Variants in CFAP299 observed in about 807,000 individuals in gnomAD.
CFAP299 encodes the protein cilia and flagella associated protein 299.
CFAP299 carries 21 observed loss-of-function variants against 27.0 expected under a neutral mutation model. That is an observed-to-expected ratio of 0.78 (90% CI 0.55 to 1.12). The LOEUF (loss-of-function observed/expected upper bound fraction) is 1.12. Ranked by LOEUF, CFAP299 falls within the 50% of genes most tolerant of loss-of-function variation. The pLI is 0.00. For missense variants in CFAP299, 310 were observed against 276.6 expected, an observed-to-expected ratio of 1.12 and a Z score of -0.86; for synonymous variants, 104 against 98.1, an observed-to-expected ratio of 1.06 and a Z score of -0.36.
intron 5 of CFAP299, among the ~76,000 whole-genome samples, chr4:80,961,824 C>A (rs1450956771): frequency 4.0e-5 from 6 of 151,868 alleles, no homozygotes; most frequent in African/African-American, 1.4e-4. Flanking sequence ...AAATAAAATA[C>A]TTTAAAAAAG....
At chr4:80,627,454 A>C (rs1030436779) in intron 3 of CFAP299, among the ~76,000 whole-genome samples, 3 of 152,012 alleles carry the variant, frequency 2.0e-5, no homozygotes, top group African/African-American at 7.2e-5. Context: ...CATGTTAACC[A>C]CTTCCATTCA....
intron 2 of CFAP299, among the ~76,000 whole-genome samples, chr4:80,533,006 GT>G (rs1335626631): frequency 1.3e-5 from 2 of 151,950 alleles, no homozygotes; most frequent in African/African-American, 4.8e-5. Flanking sequence ...ATAATTTATT[GT>G]TTTTTTGTGT....
At chr4:80,846,338 C>T (rs60793856) in intron 3 of CFAP299, among the ~76,000 whole-genome samples, 6,006 of 152,150 alleles carry the variant, frequency 0.039, 210 homozygotes, top group African/African-American at 0.1. Flanking sequence ...TTCTGTGTGT[C>T]TTTTGCTAGA....
chr4:80,607,035 A>G (rs1489246540), intron 3 of CFAP299, among the ~76,000 whole-genome samples: 1 of 152,118 alleles, frequency 6.6e-6, no homozygotes, highest in Non-Finnish European at 1.5e-5. Context: ...AGAAGAAAAG[A>G]AAGTCAGGTA....
rs1284319156 is a variant in CFAP299 at position 80,955,036 on chromosome 4, G to T, written c.607-8481G>T. On this transcript the variant is annotated intron_variant, in intron 5 of 5. Transcript: ENST00000358105. ...AAAAAAAAAAAAAAAAAAAAAAAACGCACACATGGCCATATACAGAGTAGT... is the reference window on the plus strand; with the variant it reads ...AAAAAAAAAAAAAAAAAAAAAAAACTCACACATGGCCATATACAGAGTAGT... Among the ~76,000 whole-genome samples, 2 of 6,602 alleles carry T rather than the reference G, an allele frequency of 3.0e-4. 1 individual carries two copies. Among genetic ancestry groups the T allele is most frequent in the Non-Finnish European group, 6.8e-4 (2 of 2,940 alleles). 4.3% of individuals were successfully genotyped at this position (6,602 alleles called of 152,430 possible). A position where few individuals can be genotyped will look rare whatever the true frequency, so the allele number is the denominator to read the frequency against.
At chr4:80,858,273 T>G (rs1261937338) in intron 3 of CFAP299, among the ~76,000 whole-genome samples, 1 of 151,912 alleles carries the variant, frequency 6.6e-6, no homozygotes, top group African/African-American at 2.4e-5. Context: ...TCATTTTTTA[T>G]TGTGTCTATT....
intron 4 of CFAP299, among the ~76,000 whole-genome samples, chr4:80,900,752 A>AAATAAT (rs552600920): frequency 1.3e-5 from 2 of 151,528 alleles, no homozygotes; most frequent in Non-Finnish European, 2.9e-5. Flanking sequence ...TAGTTATTTT[A>AAATAAT]AATAATAATA....
intron 3 of CFAP299, among the ~76,000 whole-genome samples, chr4:80,856,445 T>A (rs1326954397): frequency 1.3e-5 from 2 of 152,038 alleles, no homozygotes; most frequent in Non-Finnish European, 2.9e-5. Flanking sequence ...TTGTTGCCAT[T>A]GCTTTTGGTA....
chr4:80,713,050 AGAT>A (rs544238204), intron 3 of CFAP299, among the ~76,000 whole-genome samples: 188 of 152,160 alleles, frequency 1.2e-3, no homozygotes, highest in Middle Eastern at 0.01. Flanking sequence ...AGAGGCCAAG[AGAT>A]GATGTAAAAA....
At chr4:80,760,382 G>C (rs970438568) in intron 3 of CFAP299, among the ~76,000 whole-genome samples, 51 of 152,098 alleles carry the variant, frequency 3.4e-4, no homozygotes, top group Non-Finnish European at 6.8e-4. Flanking sequence ...GAGCAAGAGA[G>C]AATAAAGACA....
chr4:80,876,209 G>A (rs995480610), intron 4 of CFAP299, among the ~76,000 whole-genome samples: 10 of 150,458 alleles, frequency 6.6e-5, no homozygotes, highest in African/African-American at 1.5e-4. Context: ...AACCTTATAG[G>A]TTAGGGACCT....
At chr4:80,449,799 T>A (rs181016751) in intron 2 of CFAP299, among the ~76,000 whole-genome samples, 2 of 151,964 alleles carry the variant, frequency 1.3e-5, no homozygotes, top group Non-Finnish European at 1.5e-5. Flanking sequence ...GCCAGAAAGG[T>A]CCATAATCTC....
At chr4:80,720,581 C>A (rs1227886335) in intron 3 of CFAP299, among the ~76,000 whole-genome samples, 1 of 151,856 alleles carries the variant, frequency 6.6e-6, no homozygotes, top group East Asian at 1.9e-4. Flanking sequence ...TTATTAAAAG[C>A]AATTTTAAAC....
chr4:80,332,484 T>A (rs981347774), upstream of CFAP299, among the ~76,000 whole-genome samples: 1 of 151,982 alleles, frequency 6.6e-6, no homozygotes, highest in Non-Finnish European at 1.5e-5. Flanking sequence ...ACCTGTGTAG[T>A]GAAGGTATGG....
At chr4:80,423,802 T>G (rs887036995) in intron 2 of CFAP299, among the ~76,000 whole-genome samples, 1 of 152,042 alleles carries the variant, frequency 6.6e-6, no homozygotes, top group Non-Finnish European at 1.5e-5. Context: ...TGTATAAAAA[T>G]GGACAAAGGC....
At chr4:80,343,675 G>A (rs1240501881) in intron 1 of CFAP299, among the ~76,000 whole-genome samples, 2 of 151,814 alleles carry the variant, frequency 1.3e-5, no homozygotes, top group Admixed American at 1.3e-4. Flanking sequence ...TGTAGTCCCA[G>A]CTACTCGGGA....
chr4:80,587,443 A>G (rs1192790371), intron 3 of CFAP299, among the ~76,000 whole-genome samples: 1 of 152,130 alleles, frequency 6.6e-6, no homozygotes, highest in African/African-American at 2.4e-5. Context: ...TCTACTTATC[A>G]CAAGCTGAAG....
intron 3 of CFAP299, among the ~76,000 whole-genome samples, chr4:80,771,624 C>T (rs1475681462): frequency 6.6e-6 from 1 of 152,170 alleles, no homozygotes. Context: ...TGACTATAAG[C>T]ATCTAGGGCT....
chr4:80,550,131 AAATGCAGCC>A (rs1734427072), intron 2 of CFAP299, among the ~76,000 whole-genome samples: 1 of 152,048 alleles, frequency 6.6e-6, no homozygotes, highest in Non-Finnish European at 1.5e-5. Flanking sequence ...AGGGATTAAA[AAATGCAGCC>A]ACCTAAATTT....
Sources: allele counts gnomAD v4.1 joint callset (sites outside exome capture counted in the v4.1 genomes callset), GRCh38; gene constraint gnomAD v4.1.1; transcripts MANE v1.5; gene names NCBI Gene and HGNC (gene_info 2026-07-23, HGNC 2026-07-21).